The following TMEM87B variants were observed in gnomAD, a reference collection of about 807,000 sequenced individuals.
TMEM87B encodes transmembrane protein 87B.
TMEM87B carries 83 observed loss-of-function variants against 80.3 expected under a neutral mutation model. The observed-to-expected ratio is 1.03, with a 90% CI of 0.87 to 1.24. TMEM87B has a LOEUF of 1.24. TMEM87B is among the 50% of genes most tolerant of loss of function. The pLI is 0.00. For missense variants in TMEM87B, 625 were observed against 674.4 expected, an observed-to-expected ratio of 0.93 and a Z score of 0.81; for synonymous variants, 219 against 230.5, an observed-to-expected ratio of 0.95 and a Z score of 0.45.
chr2:112,076,567 T>G (rs551871169), intron 5 of TMEM87B, among the ~76,000 whole-genome samples: 3 of 152,016 alleles, frequency 2.0e-5, no homozygotes, highest in Admixed American at 6.5e-5. Flanking sequence ...TTCAAACTCC[T>G]GAGCTCAAGT....
intron 11 of TMEM87B, 23 bp from the exon 12 acceptor site, chr2:112,097,021 T>C: frequency 2.1e-6 from 3 of 1,454,810 alleles, no homozygotes; most frequent in Non-Finnish European, 2.8e-6. Flanking sequence ...TTACTTGGAA[T>C]GTTTTTCCTT....
At chr2:112,056,116 C>A (rs897282050) in intron 1 of TMEM87B, among the ~76,000 whole-genome samples, 4 of 152,142 alleles carry the variant, frequency 2.6e-5, no homozygotes, top group Non-Finnish European at 5.9e-5. Context: ...TGGGATTCGA[C>A]TCTTCCTGTC....
At position 112,106,034 on chromosome 2, in the gene TMEM87B, G is replaced by C. The variant is rs767709842; in HGVS notation, c.1483G>C (p.Val495Leu). ...AATAAAATTAAGAGCCTCAAAATCA[G>C]TTTCCAATGGAACAGCTAAGCCTGC... ...EGIKLRASKS[V>L]SNGTAKPATS... The change falls in exon 16 of 19, where the codon GTT becomes CTT. Residue 495 changes from valine (V) to leucine (L), a missense_variant. Coordinates refer to ENST00000283206, the MANE Select transcript of TMEM87B (RefSeq NM_032824.3). 5.7e-6 allele frequency: 9 copies of C among 1,570,750 alleles called. No homozygotes were observed. The highest frequency in any genetic ancestry group is 7.7e-6 in the Non-Finnish European group (9 of 1,163,292).
chr2:112,090,589 A>C (rs538791535), intron 10 of TMEM87B, among the ~76,000 whole-genome samples: 9 of 151,926 alleles, frequency 5.9e-5, no homozygotes, highest in African/African-American at 1.9e-4. Context: ...ACCACACCAG[A>C]CTAATTTTTG....
intron 1 of TMEM87B, among the ~76,000 whole-genome samples, chr2:112,058,483 G>A (rs1182635193): frequency 6.6e-6 from 1 of 152,186 alleles, no homozygotes; most frequent in Non-Finnish European, 1.5e-5. Context: ...TAGCAGAGTG[G>A]GCACAGAATT....
Position 112,062,990 on chromosome 2 carries a change from G to C in TMEM87B, c.227-1172G>C, listed in dbSNP as rs776897032. Among the ~76,000 whole-genome samples the C allele has an allele frequency of 1.4e-4, 21 of 152,144 alleles. 1 individual carries two copies. The highest frequency in any genetic ancestry group is 6.3e-3 in the Middle Eastern group (2 of 316). On this transcript the variant is annotated intron_variant, in intron 2 of 18. Coordinates refer to ENST00000283206, the MANE Select transcript of TMEM87B (RefSeq NM_032824.3). ...GCAGATTTCTCTTTCTCTTTATGTA[G>C]CTTCCATCTCTTGGGTACTGTCCCC...
rs369229290 is a variant in TMEM87B at position 112,105,974 on chromosome 2, A to G, written c.1451-28A>G. ...AAGGAAAATATTATTTTGTGATTTT[A>G]TATATATGTTTATAATGTCTCTCGT... On this transcript the variant is annotated intron_variant, in intron 15 of 18. Transcript: ENST00000283206. 1.1e-5 allele frequency: 16 copies of G among 1,458,096 alleles called. No individual in the cohort carries two copies. In the African/African-American group the frequency reaches 2.2e-4, roughly 20 times the overall value. The allele number at this position is 1,458,096 out of a possible 1,614,324, so 90.3% of individuals were successfully genotyped here. A position where few individuals can be genotyped will look rare whatever the true frequency, so the allele number is the denominator to read the frequency against.
chr2:112,111,913 C>T (rs1400397421), intron 17 of TMEM87B, among the ~76,000 whole-genome samples: 3 of 152,174 alleles, frequency 2.0e-5, no homozygotes, highest in Non-Finnish European at 4.4e-5. Context: ...TAGCAGGGAC[C>T]GTTGTTGATA....
intron 6 of TMEM87B, among the ~76,000 whole-genome samples, chr2:112,079,972 C>A (rs1678939737): frequency 6.8e-6 from 1 of 146,724 alleles, no homozygotes; most frequent in Non-Finnish European, 1.5e-5. Context: ...CTCTGTCACC[C>A]AGGCTGGAGT....
In TMEM87B at chr2:112,081,097, A is replaced by G; in HGVS notation, c.633A>G (p.Ala211=). ...SMIGPHGYIS[A]SDWPLMIFYM... Reference sequence around the variant, plus strand: ...TTGGGCCTCATGGATATATCTCTGCATCAGATTGGCCCCTAATGATTGTGA... The same window carrying G: ...TTGGGCCTCATGGATATATCTCTGCGTCAGATTGGCCCCTAATGATTGTGA... The change falls in exon 7 of 19, where the codon GCA becomes GCG. Residue 211 remains alanine (A), a synonymous_variant. Coordinates refer to ENST00000283206, the MANE Select transcript of TMEM87B (RefSeq NM_032824.3). 1.9e-6 allele frequency: 3 copies of G among 1,612,990 alleles called. No homozygotes were observed. The highest frequency in any genetic ancestry group is 2.2e-5 in the South Asian group (2 of 91,042).
At chr2:112,086,421 C>A (rs1219222978) in intron 9 of TMEM87B, among the ~76,000 whole-genome samples, 1 of 152,138 alleles carries the variant, frequency 6.6e-6, no homozygotes, top group African/African-American at 2.4e-5. Flanking sequence ...TATCATTAAG[C>A]TTTTATGGTC....
intron 5 of TMEM87B, among the ~76,000 whole-genome samples, chr2:112,076,936 T>G (rs1198048669): frequency 7.0e-6 from 1 of 142,982 alleles, no homozygotes; most frequent in East Asian, 2.0e-4. Context: ...ACATAGTGGC[T>G]CACATCTGTA....
At chr2:112,065,279 A>G (rs1270175938) in intron 3 of TMEM87B, among the ~76,000 whole-genome samples, 1 of 152,170 alleles carries the variant, frequency 6.6e-6, no homozygotes, top group Non-Finnish European at 1.5e-5. Context: ...AGAGATATTC[A>G]TTTATTTTTT....
intron 15 of TMEM87B, among the ~76,000 whole-genome samples, chr2:112,104,587 G>A (rs1558850134): frequency 1.3e-5 from 2 of 152,200 alleles, no homozygotes; most frequent in African/African-American, 2.4e-5. Flanking sequence ...TGGAGAGGAT[G>A]TGGAACAGCT....
At chr2:112,113,555 G>C (rs1189104904) in intron 18 of TMEM87B, among the ~76,000 whole-genome samples, 2 of 152,244 alleles carry the variant, frequency 1.3e-5, no homozygotes, top group African/African-American at 4.8e-5. Flanking sequence ...TCTGTTATTT[G>C]ACTGTACTGG....
intron 14 of TMEM87B, among the ~76,000 whole-genome samples, chr2:112,100,277 C>A (rs1158771380): frequency 6.6e-6 from 1 of 152,068 alleles, no homozygotes; most frequent in Non-Finnish European, 1.5e-5. Context: ...AGCAACTTTT[C>A]TTTTTTTAGG....
chr2:112,097,419 T>A, intron 13 of TMEM87B, 128 bp downstream of exon 13: 1 of 907,820 alleles, frequency 1.1e-6, no homozygotes, highest in Non-Finnish European at 1.6e-6. Context: ...CTTTGAACTA[T>A]TTTTTACAGA....
chr2:112,082,670 G>GT (rs947872694), intron 8 of TMEM87B, among the ~76,000 whole-genome samples: 16 of 152,218 alleles, frequency 1.1e-4, no homozygotes, highest in African/African-American at 3.6e-4. Context: ...GTGTGTGTGT[G>GT]TGTGTGCGTG....
rs751686394 is a variant in TMEM87B at position 112,086,096 on chromosome 2, C to G, written c.930C>G (p.Gly310=). The stretch of plus-strand genomic sequence containing the variant: ...TGATCATTGTGAGCCTGGGCTATGG[C>G]ATTGTGAAGTAAGTACTGGCGTGTG... ...LLVIIVSLGY[G]IVKPRLGTVM... The change falls in exon 9 of 19, where the codon GGC becomes GGG. Residue 310 remains glycine, a synonymous_variant. Transcript: ENST00000283206. 3.1e-6 allele frequency: 5 copies of G among 1,613,910 alleles called. No individual in the cohort carries two copies. Among genetic ancestry groups the G allele is most frequent in the Non-Finnish European group, 4.2e-6 (5 of 1,179,910 alleles).
Sources: gnomAD v4.1 joint callset for allele counts (sites outside exome capture counted in the v4.1 genomes callset) on GRCh38, gnomAD v4.1.1 for gene constraint, MANE v1.5 for transcripts, NCBI Gene and HGNC (gene_info 2026-07-23, HGNC 2026-07-21) for gene names.